DACH1: variants seen among roughly 807,000 people sequenced by gnomAD.
DACH1 encodes dachshund homolog 1.
Under a neutral mutation model 54.2 loss-of-function variants are expected in DACH1, and 12 were observed. The ratio of observed to expected loss-of-function variants is 0.22; its 90% CI spans 0.14 to 0.36. The LOEUF (loss-of-function observed/expected upper bound fraction) is 0.36, where lower values mean the gene tolerates loss of function less well. Ranked by LOEUF, DACH1 falls within the 10% of genes least tolerant of loss-of-function variation. DACH1 has a pLI of 1.00. For synonymous variants in DACH1, 386 were observed against 366.2 expected (o/e 1.05, Z -0.62); for missense variants, 805 against 929.8 (o/e 0.87, Z 1.75).
chr13:71,784,844 T>A (rs966347043), intron 1 of DACH1, among the ~76,000 whole-genome samples: 22 of 152,168 alleles, frequency 1.4e-4, no homozygotes, highest in African/African-American at 4.6e-4. Flanking sequence ...AATGTGCTGA[T>A]AAATAGAATA....
chr13:71,760,359 A>G (rs1196164838), intron 1 of DACH1, among the ~76,000 whole-genome samples: 2 of 152,186 alleles, frequency 1.3e-5, no homozygotes, highest in African/African-American at 4.8e-5. Flanking sequence ...TTATCTCCAG[A>G]AGAAAAAGCA....
intron 1 of DACH1, among the ~76,000 whole-genome samples, chr13:71,699,141 T>A (rs1881983389): frequency 6.6e-6 from 1 of 152,156 alleles, no homozygotes; most frequent in Non-Finnish European, 1.5e-5. Flanking sequence ...TATTTGTCTT[T>A]CACAAACTAA....
intron 1 of DACH1, among the ~76,000 whole-genome samples, chr13:71,836,946 T>G (rs1033810084): frequency 1.3e-5 from 2 of 151,964 alleles, no homozygotes; most frequent in Non-Finnish European, 2.9e-5. Context: ...CTGTCATATA[T>G]TAGGTGCATA....
intron 6 of DACH1, among the ~76,000 whole-genome samples, chr13:71,504,119 A>G (rs1356799842): frequency 6.6e-6 from 1 of 152,184 alleles, no homozygotes; most frequent in African/African-American, 2.4e-5. Context: ...TTTGTAGCAC[A>G]GAAAAGAGAT....
intron 6 of DACH1, among the ~76,000 whole-genome samples, chr13:71,541,821 G>C (rs993596468): frequency 1.3e-5 from 2 of 151,492 alleles, no homozygotes; most frequent in Non-Finnish European, 2.9e-5. Context: ...AAAATGAGTT[G>C]CAGTAGAATT....
At chr13:71,722,301 T>C (rs1162809872) in intron 1 of DACH1, among the ~76,000 whole-genome samples, 1 of 152,198 alleles carries the variant, frequency 6.6e-6, no homozygotes, top group Non-Finnish European at 1.5e-5. Flanking sequence ...TGAGAGAAAA[T>C]ATCAACTTGC....
chr13:71,463,410 C>T (rs146864413), intron 10 of DACH1, among the ~76,000 whole-genome samples: 1 of 152,060 alleles, frequency 6.6e-6, no homozygotes, highest in African/African-American at 2.4e-5. Flanking sequence ...CTAAACTTTA[C>T]ATAGAAAGAC....
chr13:71,555,811 G>A (rs904283026), intron 6 of DACH1, among the ~76,000 whole-genome samples: 1 of 152,162 alleles, frequency 6.6e-6, no homozygotes, highest in Non-Finnish European at 1.5e-5. Flanking sequence ...TGACCTAGTC[G>A]TGCACTGCAT....
chr13:71,576,179 G>C (rs1443174631), intron 3 of DACH1, among the ~76,000 whole-genome samples: 1 of 151,854 alleles, frequency 6.6e-6, no homozygotes, highest in Non-Finnish European at 1.5e-5. Flanking sequence ...TCTAACATTT[G>C]GCAGGGGAAG....
At chr13:71,475,266 TA>T (rs574698908) in intron 9 of DACH1, 57 bp from the exon 10 acceptor site, 370 of 1,356,764 alleles carry the variant, frequency 2.7e-4, no homozygotes, top group Middle Eastern at 3.7e-4. Flanking sequence ...TATTGTCCTT[TA>T]AAAAAAAAGA....
chr13:71,860,543 T>C (rs888906106), intron 1 of DACH1, among the ~76,000 whole-genome samples: 1 of 151,500 alleles, frequency 6.6e-6, no homozygotes, highest in Non-Finnish European at 1.5e-5. Flanking sequence ...AAGAACCAAG[T>C]AACAAAAACC....
Position 71,866,556 on chromosome 13 carries a change from A to T in DACH1, c.214T>A (p.Ser72Thr), listed in dbSNP as rs1228773707. Reference sequence around the variant, plus strand: ...CCGCCGCCGCCGCCGCCGCCGGTAGAGGTGACTGTGGCCGCCGCCGCCGCC... The same window carrying T: ...CCGCCGCCGCCGCCGCCGCCGGTAGTGGTGACTGTGGCCGCCGCCGCCGCC... ...SAAAAAATVT[S>T]TGGGGGGGGS... The change falls in exon 1 of 11, where the codon TCT becomes ACT. Residue 72 changes from serine to threonine, a missense_variant. Physicochemically the swap from Ser to Thr is moderately conservative, Grantham distance 58. This residue lies in a region of DACH1 where 305 missense variants were observed against 308.7 expected (regional missense o/e 0.99). Coordinates refer to ENST00000613252, the MANE Select transcript of DACH1 (RefSeq NM_080759.6). 1 of 1,232,344 alleles carries T rather than the reference A, an allele frequency of 8.1e-7. No individual in the cohort carries two copies. The highest frequency in any genetic ancestry group is 1.0e-6 in the Non-Finnish European group (1 of 988,784). 76.3% of individuals were successfully genotyped at this position (1,232,344 alleles called of 1,614,324 possible).
intron 1 of DACH1, among the ~76,000 whole-genome samples, chr13:71,690,764 T>C (rs2138722361): frequency 6.6e-6 from 1 of 152,236 alleles, no homozygotes; most frequent in Middle Eastern, 3.4e-3. Context: ...AGATCCCATC[T>C]CTACAAACAA....
At chr13:71,524,212 T>C (rs1881798829) in intron 6 of DACH1, among the ~76,000 whole-genome samples, 1 of 152,074 alleles carries the variant, frequency 6.6e-6, no homozygotes, top group African/African-American at 2.4e-5. Flanking sequence ...ATAATTCAAA[T>C]AAAGCAAAAG....
At chr13:71,854,877 G>A (rs1395192440) in intron 1 of DACH1, among the ~76,000 whole-genome samples, 1 of 152,028 alleles carries the variant, frequency 6.6e-6, no homozygotes, top group Non-Finnish European at 1.5e-5. Flanking sequence ...GAACTGATAT[G>A]ATTTTTCATC....
intron 4 of DACH1, among the ~76,000 whole-genome samples, chr13:71,564,039 T>C (rs987740628): frequency 6.6e-6 from 1 of 152,000 alleles, no homozygotes; most frequent in African/African-American, 2.4e-5. Flanking sequence ...GAATACATTG[T>C]TGCACAATAA....
intron 10 of DACH1, among the ~76,000 whole-genome samples, chr13:71,473,881 A>G (rs1236401390): frequency 6.6e-6 from 1 of 152,168 alleles, no homozygotes; most frequent in Non-Finnish European, 1.5e-5. Flanking sequence ...CCTGATAAAG[A>G]GGACTGGTTT....
chr13:71,865,567 G>A (rs1325434226), intron 1 of DACH1, among the ~76,000 whole-genome samples: 2 of 152,092 alleles, frequency 1.3e-5, no homozygotes, highest in Non-Finnish European at 1.5e-5. Context: ...GTCTCCAGGC[G>A]CCCGCGCGCC....
At chr13:71,499,364 C>T (rs923552144) in intron 6 of DACH1, among the ~76,000 whole-genome samples, 14 of 152,102 alleles carry the variant, frequency 9.2e-5, no homozygotes, top group South Asian at 4.1e-4. Context: ...AAAACAGACA[C>T]GGTTATATTT....
Sources: allele counts gnomAD v4.1 joint callset (sites outside exome capture counted in the v4.1 genomes callset), GRCh38; gene constraint gnomAD v4.1.1; regional missense constraint gnomAD v4.1.1; transcripts MANE v1.5; gene names NCBI Gene and HGNC (gene_info 2026-07-23, HGNC 2026-07-21).